The following ZNF804B variants were observed in gnomAD, a reference collection of about 807,000 sequenced individuals.
The protein encoded by ZNF804B is zinc finger protein 804B, also known as zinc finger 804B.
A neutral mutation model predicts 101.4 loss-of-function variants in ZNF804B; 80 were observed. The ratio of observed to expected loss-of-function variants is 0.79; its 90% CI spans 0.66 to 0.95. The LOEUF is 0.95. ZNF804B is among the 40% of genes least tolerant of loss of function. ZNF804B has a pLI of 0.00. For synonymous variants in ZNF804B, 622 were observed against 558.8 expected (o/e 1.11, Z -1.59); for missense variants, 1,673 against 1,561.9 (o/e 1.07, Z -1.20).
chr7:89,099,001 A>G (rs1790011703), intron 1 of ZNF804B, among the ~76,000 whole-genome samples: 1 of 148,946 alleles, frequency 6.7e-6, no homozygotes, highest in South Asian at 2.1e-4. Flanking sequence ...ACAGTGCAGT[A>G]CAATTATATA....
Position 88,844,013 on chromosome 7 carries a change from A to G in ZNF804B, c.108+83929A>G, listed in dbSNP as rs547231083. On this transcript the variant is annotated intron_variant, in intron 1 of 3. Coordinates refer to ENST00000333190, the MANE Select transcript of ZNF804B (RefSeq NM_181646.5). ...AATATGAAAATGTTAAAACACATGG[A>G]AAACATATAGATCCTAACATGACTC... Among the ~76,000 whole-genome samples, 378 of 152,230 alleles carry G rather than the reference A, an allele frequency of 2.5e-3. 6 individuals carry two copies. Among genetic ancestry groups the G allele is most frequent in the Non-Finnish European group, 8.5e-4 (58 of 67,996 alleles).
chr7:89,012,440 A>G (rs1364657576), intron 1 of ZNF804B, among the ~76,000 whole-genome samples: 1 of 152,070 alleles, frequency 6.6e-6, no homozygotes, highest in African/African-American at 2.4e-5. Flanking sequence ...TAGGCTACAA[A>G]TTTTCCAAAG....
chr7:89,243,711 T>C (rs1320459165), intron 2 of ZNF804B, among the ~76,000 whole-genome samples: 1 of 151,900 alleles, frequency 6.6e-6, no homozygotes, highest in Non-Finnish European at 1.5e-5. Flanking sequence ...GTCTTATCTA[T>C]TGTGTTAAGA....
intron 1 of ZNF804B, among the ~76,000 whole-genome samples, chr7:89,217,201 G>T (rs1434506161): frequency 6.6e-6 from 1 of 152,154 alleles, no homozygotes; most frequent in Non-Finnish European, 1.5e-5. Context: ...AAATATAGAA[G>T]CAGGGTTTGA....
At position 88,827,756 on chromosome 7, in the gene ZNF804B, T is replaced by C. The variant is rs1206310781; in HGVS notation, c.108+67672T>C. Among the ~76,000 whole-genome samples, 4 of 152,072 alleles carry C rather than the reference T, an allele frequency of 2.6e-5. No homozygotes were observed. The East Asian group carries it at 7.7e-4, about 29-fold the overall frequency. On this transcript the variant is annotated intron_variant, in intron 1 of 3. Coordinates refer to ENST00000333190, the MANE Select transcript of ZNF804B (RefSeq NM_181646.5). ...GTGCAGCATGCCGTATTTCCATTAG[T>C]AGTGCTGCAACACACCCTGCCAGAA... is the stretch of plus-strand genomic sequence containing the variant.
chr7:89,169,709 C>A (rs1271918428), intron 1 of ZNF804B, among the ~76,000 whole-genome samples: 1 of 152,166 alleles, frequency 6.6e-6, no homozygotes, highest in Non-Finnish European at 1.5e-5. Context: ...ATAGCTCTTT[C>A]ATTTCAAAAA....
chr7:89,191,931 A>G (rs1248485100), intron 1 of ZNF804B, among the ~76,000 whole-genome samples: 1 of 152,144 alleles, frequency 6.6e-6, no homozygotes, highest in Non-Finnish European at 1.5e-5. Context: ...GGTATAATTT[A>G]CAAAAACTAT....
intron 2 of ZNF804B, among the ~76,000 whole-genome samples, chr7:89,258,814 A>C (rs889980524): frequency 2.7e-5 from 4 of 148,962 alleles, no homozygotes; most frequent in Admixed American, 2.6e-4. Context: ...TATATTGACT[A>C]TTAAGTCAAA....
chr7:88,841,120 C>T (rs1190971439), intron 1 of ZNF804B, among the ~76,000 whole-genome samples: 1 of 152,162 alleles, frequency 6.6e-6, no homozygotes, highest in East Asian at 1.9e-4. Flanking sequence ...CATAATTTGG[C>T]CTGTCCAAAG....
At chr7:88,999,295 T>C (rs1192958022) in intron 1 of ZNF804B, among the ~76,000 whole-genome samples, 3 of 152,084 alleles carry the variant, frequency 2.0e-5, no homozygotes, top group Admixed American at 2.0e-4. Context: ...AAATGTCTTA[T>C]ATCAGTACTA....
At chr7:88,762,027 G>A (rs1457819440) in intron 1 of ZNF804B, among the ~76,000 whole-genome samples, 1 of 151,656 alleles carries the variant, frequency 6.6e-6, no homozygotes, top group African/African-American at 2.4e-5. Context: ...CCACCCTCAG[G>A]GCACTATTTT....
At chr7:89,147,489 T>C (rs922831097) in intron 1 of ZNF804B, among the ~76,000 whole-genome samples, 2 of 152,078 alleles carry the variant, frequency 1.3e-5, no homozygotes, top group African/African-American at 2.4e-5. Context: ...TTTTAAATTA[T>C]TGAATGTAGA....
chr7:89,058,479 A>C (rs936136525), intron 1 of ZNF804B, among the ~76,000 whole-genome samples: 1 of 152,254 alleles, frequency 6.6e-6, no homozygotes, highest in East Asian at 1.9e-4. Flanking sequence ...ATAATATACT[A>C]TGTAGTCTGT....
At chr7:88,813,337 G>A (rs1440913276) in intron 1 of ZNF804B, among the ~76,000 whole-genome samples, 3 of 150,420 alleles carry the variant, frequency 2.0e-5, no homozygotes, top group African/African-American at 7.4e-5. Flanking sequence ...TGAGGCAGGA[G>A]AATGGCGAAC....
chr7:88,859,534 T>A (rs1396688404), intron 1 of ZNF804B, among the ~76,000 whole-genome samples: 13 of 152,146 alleles, frequency 8.5e-5, no homozygotes, highest in Non-Finnish European at 1.9e-4. Context: ...CTATTCTCTT[T>A]AATTCTCTCT....
chr7:88,832,179 A>G (rs1042759651), intron 1 of ZNF804B, among the ~76,000 whole-genome samples: 1 of 151,856 alleles, frequency 6.6e-6, no homozygotes, highest in East Asian at 1.9e-4. Context: ...CAAAAAAAAA[A>G]ATCAGTGAAA....
chr7:88,932,528 G>T (rs540047762), intron 1 of ZNF804B, among the ~76,000 whole-genome samples: 2 of 151,852 alleles, frequency 1.3e-5, no homozygotes, highest in Admixed American at 6.6e-5. Context: ...GAAGACAGAT[G>T]ATCCAAATGA....
intron 1 of ZNF804B, among the ~76,000 whole-genome samples, chr7:88,878,512 A>G (rs1791984099): frequency 6.6e-6 from 1 of 152,182 alleles, no homozygotes; most frequent in Admixed American, 6.5e-5. Flanking sequence ...TGGTATAGGA[A>G]TCAAGAGTAA....
At chr7:89,153,611 A>G (rs1031676716) in intron 1 of ZNF804B, among the ~76,000 whole-genome samples, 1 of 152,066 alleles carries the variant, frequency 6.6e-6, no homozygotes, top group South Asian at 2.1e-4. Flanking sequence ...AAAATTTAAC[A>G]TTTCTAGGTA....
Sources: gnomAD v4.1 joint callset for allele counts (sites outside exome capture counted in the v4.1 genomes callset) on GRCh38, gnomAD v4.1.1 for gene constraint, MANE v1.5 for transcripts, NCBI Gene and HGNC (gene_info 2026-07-23, HGNC 2026-07-21) for gene names.